Variants in IQGAP1 observed in about 807,000 individuals in gnomAD.
The protein encoded by IQGAP1 is IQ motif containing GTPase activating protein 1.
Under a neutral mutation model 215.6 loss-of-function variants are expected in IQGAP1, and 66 were observed. The ratio of observed to expected loss-of-function variants is 0.31; its 90% CI spans 0.25 to 0.38. IQGAP1 has a LOEUF of 0.38. Among genes scored for constraint, IQGAP1 ranks in the 10% least tolerant of loss-of-function variants. IQGAP1 has a pLI of 1.00. For synonymous variants in IQGAP1, 772 were observed against 728.7 expected (o/e 1.06, Z -0.96); for missense variants, 1,712 against 1,997.1 (o/e 0.86, Z 2.72).
chr15:90,393,416 A>G (rs1223047416), intron 2 of IQGAP1: 1 of 151,804 alleles, frequency 6.6e-6, no homozygotes. Context: ...AATGCTACAT[A>G]AATAGTTGTT....
At chr15:90,470,195 C>T (rs536942298) in intron 18 of IQGAP1, among the ~76,000 whole-genome samples, 10 of 152,318 alleles carry the variant, frequency 6.6e-5, no homozygotes, top group Admixed American at 2.0e-4. Context: ...TCCTCCCACT[C>T]TACTCACCAC....
In IQGAP1 at chr15:90,425,700, G is replaced by A. The variant is rs542389941; in HGVS notation, c.156-410G>A. 3.6e-4 allele frequency among the ~76,000 whole-genome samples: 55 copies of A among 152,304 alleles called. 1 individual carries two copies. Among genetic ancestry groups the A allele is most frequent in the African/African-American group, 1.3e-3 (52 of 41,556 alleles). ...ACTGTGGATTCTGAGTTCTGCAACT[G>A]GAAGAGAATGTCAGCAACAAATTAA... On this transcript the variant is annotated intron_variant, in intron 2 of 37. Coordinates refer to ENST00000268182, the MANE Select transcript of IQGAP1 (RefSeq NM_003870.4).
intron 31 of IQGAP1, 134 bp downstream of exon 31, chr15:90,486,266 A>C (rs1966125324): frequency 6.9e-6 from 4 of 582,920 alleles, no homozygotes; most frequent in Non-Finnish European, 1.2e-5. Context: ...TGTGATCCTG[A>C]TAGTTTCATA....
intron 26 of IQGAP1, among the ~76,000 whole-genome samples, chr15:90,480,220 TAAAAAAAAAA>T (rs999179798): frequency 1.1e-5 from 1 of 92,450 alleles, no homozygotes; most frequent in Admixed American, 1.1e-4. Context: ...CCCCATATCT[TAAAAAAAAAA>T]AAAAAAAAAA....
Position 90,477,904 on chromosome 15 carries a change from A to G in IQGAP1, c.3329+15A>G. The G allele has an allele frequency of 6.7e-7, 1 of 1,499,558 alleles. No homozygotes were observed. The highest frequency in any genetic ancestry group is 1.1e-5 in the South Asian group (1 of 88,796). 92.9% of individuals were successfully genotyped at this position (1,499,558 alleles called of 1,614,324 possible). Reference sequence around the variant, plus strand: ...GGAGAGGCAAGGTATGTTAACCATAATGACACTTTTCTTTCATGTTGTTAT... The same window carrying G: ...GGAGAGGCAAGGTATGTTAACCATAGTGACACTTTTCTTTCATGTTGTTAT... On this transcript the variant is annotated intron_variant, in intron 26 of 37. Transcript: ENST00000268182.
intron 28 of IQGAP1, chr15:90,483,075 T>G (rs906764374): frequency 3.8e-5 from 13 of 338,982 alleles, no homozygotes; most frequent in Non-Finnish European, 6.1e-5. Context: ...TAACAGACTT[T>G]AAGTGTGTCA....
chr15:90,401,007 G>A (rs1286336403), intron 2 of IQGAP1, among the ~76,000 whole-genome samples: 1 of 152,202 alleles, frequency 6.6e-6, no homozygotes, highest in Non-Finnish European at 1.5e-5. Flanking sequence ...GAAAGCGCTG[G>A]TAGGCAAAGT....
intron 28 of IQGAP1, chr15:90,482,732 T>G (rs1966077198): frequency 1.0e-6 from 1 of 998,782 alleles, no homozygotes; most frequent in Non-Finnish European, 1.2e-6. Context: ...AGGCCTCGAT[T>G]CTAGACTTTC....
At chr15:90,397,356 C>G (rs2151001765) in intron 2 of IQGAP1, among the ~76,000 whole-genome samples, 1 of 152,146 alleles carries the variant, frequency 6.6e-6, no homozygotes, top group Non-Finnish European at 1.5e-5. Flanking sequence ...TCTGTTTTGG[C>G]AGGTGTGAGT....
chr15:90,414,948 C>T (rs1370609249), intron 2 of IQGAP1, among the ~76,000 whole-genome samples: 1 of 152,134 alleles, frequency 6.6e-6, no homozygotes, highest in Non-Finnish European at 1.5e-5. Context: ...CGCAAGTCAC[C>T]AAATCATCTT....
intron 18 of IQGAP1, among the ~76,000 whole-genome samples, chr15:90,470,259 TG>T (rs2087591154): frequency 6.6e-6 from 1 of 152,180 alleles, no homozygotes; most frequent in African/African-American, 2.4e-5. Context: ...ATTTTCTCTC[TG>T]GAGGAAACAG....
chr15:90,400,985 G>T (rs1446190154), intron 2 of IQGAP1, among the ~76,000 whole-genome samples: 2 of 152,208 alleles, frequency 1.3e-5, no homozygotes, highest in East Asian at 3.8e-4. Context: ...TTGACAAGAA[G>T]TATTTGTGTA....
Position 90,474,543 on chromosome 15 carries a change from A to T in IQGAP1, c.2634A>T (p.Gln878His), listed in dbSNP as rs1309342277. The T allele has an allele frequency of 6.2e-7, 1 of 1,614,194 alleles. No individual in the cohort carries two copies. The highest frequency in any genetic ancestry group is 1.3e-5 in the African/African-American group (1 of 75,036). ...VVRKFVHLLDQSDQDFQEELD... is the reference protein window; with the variant it reads ...VVRKFVHLLDHSDQDFQEELD... Reference sequence around the variant, plus strand: ...GAAAATTTGTCCACCTGCTGGACCAAAGTGACCAGGATTTTCAGGAGGAGC... The same window carrying T: ...GAAAATTTGTCCACCTGCTGGACCATAGTGACCAGGATTTTCAGGAGGAGC... Residue 878 changes from glutamine (Q) to histidine (H), a missense_variant, in exon 23 of 38, where the codon CAA becomes CAT. By Grantham distance (24) the Gln-to-His change is conservative (BLOSUM62 0). Coordinates refer to ENST00000268182, the MANE Select transcript of IQGAP1 (RefSeq NM_003870.4).
intron 2 of IQGAP1, chr15:90,393,350 CCTCTAGATTA>C (rs1404381918): frequency 6.6e-6 from 1 of 152,142 alleles, no homozygotes; most frequent in Non-Finnish European, 1.5e-5. Flanking sequence ...ACTTATCATA[CCTCTAGATTA>C]CTCTAGATAT....
chr15:90,389,260 G>A (rs564828681), intron 1 of IQGAP1, among the ~76,000 whole-genome samples: 13 of 151,900 alleles, frequency 8.6e-5, no homozygotes, highest in Admixed American at 7.9e-4. Flanking sequence ...AATGATAAAA[G>A]ATGCTGAACT....
At chr15:90,449,073 T>A (rs1365789480) in intron 10 of IQGAP1, among the ~76,000 whole-genome samples, 13 of 151,102 alleles carry the variant, frequency 8.6e-5, no homozygotes, top group Non-Finnish European at 1.6e-4. Flanking sequence ...ATTTGCACTT[T>A]AAAAAAAAAC....
At chr15:90,466,122 G>A (rs778700728) in intron 16 of IQGAP1, 31 bp downstream of exon 16, 3 of 1,606,816 alleles carry the variant, frequency 1.9e-6, no homozygotes, top group Non-Finnish European at 2.6e-6. Context: ...TTCTGTTTTG[G>A]TGGAGGCTGG....
intron 10 of IQGAP1, among the ~76,000 whole-genome samples, chr15:90,449,343 A>G (rs532700446): frequency 6.6e-6 from 1 of 152,278 alleles, no homozygotes; most frequent in East Asian, 1.9e-4. Flanking sequence ...TAATATGTTT[A>G]AGAATGTACT....
chr15:90,489,372 C>T, intron 33 of IQGAP1, among the ~76,000 whole-genome samples: 2 of 152,118 alleles, frequency 1.3e-5, no homozygotes, highest in East Asian at 3.8e-4. Flanking sequence ...AAATGACCCA[C>T]CCACTGTGGC....
Sources: gnomAD v4.1 joint callset for allele counts (sites outside exome capture counted in the v4.1 genomes callset) on GRCh38, gnomAD v4.1.1 for gene constraint, MANE v1.5 for transcripts, NCBI Gene and HGNC (gene_info 2026-07-23, HGNC 2026-07-21) for gene names.